Variants in SPMIP2 observed in about 807,000 individuals in gnomAD.
The protein encoded by SPMIP2 is protein SPMIP2.
chr4:158,907,477 T>A, the SPMIP2 span: 1 of 152,244 alleles, frequency 6.6e-6, no homozygotes, highest in Non-Finnish European at 1.5e-5. Context: ...AACCGTTGTT[T>A]GGGCTCTTAT....
chr4:159,077,628 T>C, the SPMIP2 span, among the ~76,000 whole-genome samples: 1 of 152,188 alleles, frequency 6.6e-6, no homozygotes, highest in Admixed American at 6.5e-5. Flanking sequence ...AAATTTTTCT[T>C]TTACACTTTT....
chr4:158,973,088 A>G, the SPMIP2 span: 4 of 1,575,094 alleles, frequency 2.5e-6, no homozygotes, highest in Non-Finnish European at 2.6e-6. Flanking sequence ...CCTTGATATG[A>G]AAGCCACTCC....
chr4:158,935,997 A>G, the SPMIP2 span, among the ~76,000 whole-genome samples: 5 of 152,318 alleles, frequency 3.3e-5, no homozygotes, highest in Admixed American at 3.3e-4. Context: ...CAAACAATTC[A>G]ATGAACTCTC....
the SPMIP2 span, among the ~76,000 whole-genome samples, chr4:158,921,028 T>G: frequency 2.0e-4 from 30 of 152,250 alleles, no homozygotes; most frequent in Non-Finnish European, 3.8e-4. Flanking sequence ...CTTTATTTCT[T>G]AGCCAGCTGA....
chr4:158,960,347 G>A, the SPMIP2 span: 4 of 1,520,632 alleles, frequency 2.6e-6, no homozygotes, highest in Non-Finnish European at 3.6e-6. Context: ...TCTTCATACT[G>A]TAAAAGGAAG....
At chr4:158,972,516 T>C in the SPMIP2 span, among the ~76,000 whole-genome samples, 1 of 152,236 alleles carries the variant, frequency 6.6e-6, no homozygotes, top group Non-Finnish European at 1.5e-5. Context: ...CAGATTTTAC[T>C]TCTAAAATCC....
chr4:158,908,228 AG>A, the SPMIP2 span, among the ~76,000 whole-genome samples: 1 of 152,140 alleles, frequency 6.6e-6, no homozygotes, highest in Non-Finnish European at 1.5e-5. Context: ...ACTGGCACAG[AG>A]AGGCTGGGGG....
At chr4:158,952,089 G>T in the SPMIP2 span, among the ~76,000 whole-genome samples, 19 of 152,116 alleles carry the variant, frequency 1.2e-4, no homozygotes, top group African/African-American at 3.9e-4. Context: ...TTGTATTTAG[G>T]TATTTCATGT....
At chr4:158,912,277 T>TA in the SPMIP2 span, among the ~76,000 whole-genome samples, 1 of 152,252 alleles carries the variant, frequency 6.6e-6, no homozygotes, top group African/African-American at 2.4e-5. Context: ...TTAAATCTCA[T>TA]AAATTGTACT....
At chr4:158,914,499 T>G in the SPMIP2 span, among the ~76,000 whole-genome samples, 1 of 152,224 alleles carries the variant, frequency 6.6e-6, no homozygotes, top group Non-Finnish European at 1.5e-5. Context: ...GCTATTCTAT[T>G]CCTTTTTCTA....
the SPMIP2 span, among the ~76,000 whole-genome samples, chr4:159,033,550 C>A: frequency 6.6e-6 from 1 of 152,144 alleles, no homozygotes; most frequent in Non-Finnish European, 1.5e-5. Context: ...AACAACCTTA[C>A]TGAAGAGGCT....
the SPMIP2 span, among the ~76,000 whole-genome samples, chr4:158,943,105 T>C: frequency 6.6e-6 from 1 of 152,222 alleles, no homozygotes; most frequent in Non-Finnish European, 1.5e-5. Flanking sequence ...ATACAAAACA[T>C]CAACTTAATG....
chr4:159,067,204 G>A, the SPMIP2 span, among the ~76,000 whole-genome samples: 2 of 149,712 alleles, frequency 1.3e-5, no homozygotes, highest in African/African-American at 2.5e-5. Flanking sequence ...TCTAAAGTGT[G>A]AGAACAGAAT....
At chr4:159,016,163 C>G in the SPMIP2 span, among the ~76,000 whole-genome samples, 1 of 152,170 alleles carries the variant, frequency 6.6e-6, no homozygotes, top group Non-Finnish European at 1.5e-5. Flanking sequence ...GGATGGGAAT[C>G]TGTTAAATTT....
At chr4:159,044,972 T>C in the SPMIP2 span, among the ~76,000 whole-genome samples, 2 of 152,012 alleles carry the variant, frequency 1.3e-5, no homozygotes, top group Non-Finnish European at 2.9e-5. Context: ...CTGCCTGTAG[T>C]CCCAGCTACT....
the SPMIP2 span, among the ~76,000 whole-genome samples, chr4:158,969,172 G>T: frequency 2.6e-5 from 4 of 152,040 alleles, no homozygotes; most frequent in African/African-American, 7.2e-5. Context: ...ATTTTGTCAC[G>T]AGGTCAGAGC....
chr4:158,896,958 C>T, the SPMIP2 span, among the ~76,000 whole-genome samples: 1 of 152,044 alleles, frequency 6.6e-6, no homozygotes, highest in Non-Finnish European at 1.5e-5. Flanking sequence ...AACCCGTCAT[C>T]TACATTAGGT....
the SPMIP2 span, among the ~76,000 whole-genome samples, chr4:158,988,985 C>A: frequency 6.6e-6 from 1 of 152,108 alleles, no homozygotes; most frequent in Admixed American, 6.6e-5. Context: ...TTACAAAACC[C>A]CACAGTCTCA....
At chr4:159,044,277 G>T in the SPMIP2 span, among the ~76,000 whole-genome samples, 3 of 150,316 alleles carry the variant, frequency 2.0e-5, no homozygotes, top group African/African-American at 7.4e-5. Flanking sequence ...GCTGAGGCAG[G>T]AGAATTGCTT....
Sources: allele counts gnomAD v4.1 joint callset (sites outside exome capture counted in the v4.1 genomes callset), GRCh38; gene constraint gnomAD v4.1.1; transcripts MANE v1.5; gene names NCBI Gene and HGNC (gene_info 2026-07-23, HGNC 2026-07-21).